Variants in PGR observed in about 807,000 individuals in gnomAD.
The protein encoded by PGR is progesterone receptor.
A neutral mutation model predicts 76.1 loss-of-function variants in PGR; 25 were observed. The ratio of observed to expected loss-of-function variants is 0.33; its 90% CI spans 0.24 to 0.46. The LOEUF (loss-of-function observed/expected upper bound fraction) is 0.46, where lower values mean the gene tolerates loss of function less well. PGR is among the 20% of genes least tolerant of loss of function. PGR has a pLI of 1.00. For missense variants in PGR, 1,172 were observed against 1,225.3 expected, an observed-to-expected ratio of 0.96 and a Z score of 0.65; for synonymous variants, 579 against 535.0, an observed-to-expected ratio of 1.08 and a Z score of -1.14.
At chr11:101,114,719 C>T (rs1284030040) in intron 2 of PGR, among the ~76,000 whole-genome samples, 1 of 152,054 alleles carries the variant, frequency 6.6e-6, no homozygotes, top group Non-Finnish European at 1.5e-5. Context: ...CTTTCATCAC[C>T]CTTCTCAATT....
intron 3 of PGR, among the ~76,000 whole-genome samples, chr11:101,072,260 T>A (rs1860964737): frequency 6.6e-6 from 1 of 152,134 alleles, no homozygotes; most frequent in Non-Finnish European, 1.5e-5. Context: ...TAAACTCCTT[T>A]ACAGACAAGC....
At position 101,091,742 on chromosome 11, in the gene PGR, T is replaced by C. The variant is rs1197942216; in HGVS notation, c.1906+18A>G. 2 of 1,162,710 alleles carry C rather than the reference T, an allele frequency of 1.7e-6. No homozygotes were observed. The highest frequency in any genetic ancestry group is 1.7e-5 in the Admixed American group (1 of 59,464). 72.0% of individuals were successfully genotyped at this position (1,162,710 alleles called of 1,614,324 possible). ...TAAAGATTACACAGTATATTATTGATGAAAACATCAGAATTACCTCCAAGG... is the reference window on the plus strand; with the variant it reads ...TAAAGATTACACAGTATATTATTGACGAAAACATCAGAATTACCTCCAAGG... On this transcript the variant is annotated intron_variant, in intron 3 of 7. Coordinates refer to ENST00000325455, the MANE Select transcript of PGR (RefSeq NM_000926.4).
At chr11:101,065,616 C>T (rs1052037124) in intron 3 of PGR, among the ~76,000 whole-genome samples, 17 of 152,020 alleles carry the variant, frequency 1.1e-4, no homozygotes, top group African/African-American at 3.9e-4. Context: ...ATTTTTGCAC[C>T]TCTGAAAAAT....
intron 6 of PGR, among the ~76,000 whole-genome samples, chr11:101,048,549 T>C (rs925073828): frequency 1.3e-5 from 2 of 152,136 alleles, no homozygotes; most frequent in African/African-American, 2.4e-5. Context: ...AACACAATGG[T>C]AAGTGTTTTG....
At chr11:101,069,738 T>G (rs534200) in intron 3 of PGR, among the ~76,000 whole-genome samples, 1 of 152,058 alleles carries the variant, frequency 6.6e-6, no homozygotes, top group South Asian at 2.1e-4. Context: ...AAACCATTCT[T>G]AGTAAATTAA....
intron 3 of PGR, among the ~76,000 whole-genome samples, chr11:101,080,963 G>T (rs1166704388): frequency 2.6e-5 from 4 of 152,172 alleles, no homozygotes; most frequent in African/African-American, 7.2e-5. Flanking sequence ...CTGTTTTTGA[G>T]AAATATAAGA....
intron 3 of PGR, among the ~76,000 whole-genome samples, chr11:101,068,937 C>T (rs1245836871): frequency 6.6e-6 from 1 of 152,138 alleles, no homozygotes. Flanking sequence ...CTAGGCAATA[C>T]CATTCAGGAC....
At chr11:101,084,690 GCTAGGAAAACCAGACTCATCCATCTT>G (rs1340461426) in intron 3 of PGR, among the ~76,000 whole-genome samples, 2 of 150,818 alleles carry the variant, frequency 1.3e-5, no homozygotes, top group African/African-American at 4.9e-5. Flanking sequence ...TGGCAAACCA[GCTAGGAAAACCAGACTCATCCATCTT>G]CTGTATTCAA....
chr11:101,128,260 C>G lies in PGR; in HGVS notation c.811G>C (p.Glu271Gln). The change falls in exon 1 of 8, where the codon GAA becomes CAA. Residue 271 changes from glutamate to glutamine, a missense_variant. Physicochemically the swap from Glu to Gln is conservative, Grantham distance 29. Transcript: ENST00000325455. ...AAGGVALVPK[E>Q]DSRFSAPRVA... ...CTGGGCGCTGAGAAGCGGGAATCTT[C>G]CTTGGGGACCAGGGCGACGCCTCCT... 1 of 1,594,156 alleles carries G rather than the reference C, an allele frequency of 6.3e-7. No individual in the cohort carries two copies. The highest frequency in any genetic ancestry group is 8.5e-7 in the Non-Finnish European group (1 of 1,176,916).
intron 4 of PGR, among the ~76,000 whole-genome samples, chr11:101,055,038 T>A (rs1380240212): frequency 2.0e-5 from 3 of 152,064 alleles, no homozygotes; most frequent in Non-Finnish European, 4.4e-5. Context: ...AGATAAATTA[T>A]GTGTTTGTTC....
intron 3 of PGR, among the ~76,000 whole-genome samples, chr11:101,079,036 G>A (rs1256867790): frequency 6.6e-6 from 1 of 152,040 alleles, no homozygotes; most frequent in Non-Finnish European, 1.5e-5. Flanking sequence ...TGGGGAAAGG[G>A]CAATCTCTTC....
intron 1 of PGR, chr11:101,126,905 T>C (rs1256387420): frequency 6.6e-6 from 1 of 152,604 alleles, no homozygotes; most frequent in African/African-American, 2.4e-5. Context: ...GCCACTGAAG[T>C]GTTCAAATCC....
intron 2 of PGR, among the ~76,000 whole-genome samples, chr11:101,106,559 G>C (rs1393210010): frequency 6.6e-6 from 1 of 152,144 alleles, no homozygotes; most frequent in African/African-American, 2.4e-5. Context: ...AAAAAGTCAG[G>C]AAACAACAGA....
At chr11:101,116,064 T>C (rs1227895317) in intron 2 of PGR, among the ~76,000 whole-genome samples, 1 of 152,222 alleles carries the variant, frequency 6.6e-6, no homozygotes, top group African/African-American at 2.4e-5. Flanking sequence ...TCAGATCAGA[T>C]TTTGCTGCCA....
intron 3 of PGR, among the ~76,000 whole-genome samples, chr11:101,078,312 T>TA (rs1176937136): frequency 2.0e-5 from 3 of 152,142 alleles, no homozygotes; most frequent in African/African-American, 7.2e-5. Flanking sequence ...ATAAAACCTG[T>TA]AACTGTGGAT....
chr11:101,098,953 A>C (rs1861918255), intron 2 of PGR, among the ~76,000 whole-genome samples: 2 of 152,348 alleles, frequency 1.3e-5, no homozygotes, highest in East Asian at 1.9e-4. Flanking sequence ...ATTGGCCTTT[A>C]ATGGGAGGTG....
At chr11:101,080,342 A>AGGGCTG in intron 3 of PGR, among the ~76,000 whole-genome samples, 1 of 152,192 alleles carries the variant, frequency 6.6e-6, no homozygotes, top group Non-Finnish European at 1.5e-5. Context: ...AGAAGCACAT[A>AGGGCTG]GGGCTGTAGA....
At chr11:101,071,952 C>T (rs1323222625) in intron 3 of PGR, among the ~76,000 whole-genome samples, 2 of 151,928 alleles carry the variant, frequency 1.3e-5, no homozygotes, top group East Asian at 1.9e-4. Context: ...GACAGGCCAA[C>T]ATTCAAATTC....
At chr11:101,110,177 T>G (rs1862300278) in intron 2 of PGR, among the ~76,000 whole-genome samples, 1 of 152,214 alleles carries the variant, frequency 6.6e-6, no homozygotes, top group Admixed American at 6.5e-5. Flanking sequence ...GATCACTGAG[T>G]AATTCTGACT....
Sources: allele counts gnomAD v4.1 joint callset (sites outside exome capture counted in the v4.1 genomes callset), GRCh38; gene constraint gnomAD v4.1.1; transcripts MANE v1.5; gene names NCBI Gene and HGNC (gene_info 2026-07-23, HGNC 2026-07-21).